JPT2: variants seen among roughly 807,000 people sequenced by gnomAD.
JPT2 encodes the protein Jupiter microtubule associated homolog 2.
JPT2 carries 9 observed loss-of-function variants against 15.9 expected under a neutral mutation model. The observed-to-expected ratio is 0.57, with a 90% CI of 0.34 to 0.99. The LOEUF is 0.99. Among genes scored for constraint, JPT2 ranks in the 50% least tolerant of loss-of-function variants. The pLI is 0.02. For synonymous variants in JPT2, 95 were observed against 91.7 expected, an observed-to-expected ratio of 1.04 and a Z score of -0.21; for missense variants, 267 against 252.1, an observed-to-expected ratio of 1.06 and a Z score of -0.40.
At chr16:1,681,733 A>G (rs961068529) in intron 1 of JPT2, among the ~76,000 whole-genome samples, 6 of 152,182 alleles carry the variant, frequency 3.9e-5, no homozygotes, top group African/African-American at 1.4e-4. Context: ...AGGATTGCCA[A>G]TGATAGGTGC....
Position 1,700,182 on chromosome 16 carries a change from A to G in JPT2, c.*1184A>G, listed in dbSNP as rs1215888160. On this transcript the variant is annotated 3_prime_UTR_variant, in exon 5 of 5. Transcript: ENST00000248098. Reference sequence around the variant, plus strand: ...TCTAACTCACAAACAAGCTTCCAGAAGAGACTAGAGACCTTAGGCCAGGAG... The same window carrying G: ...TCTAACTCACAAACAAGCTTCCAGAGGAGACTAGAGACCTTAGGCCAGGAG... 2.2e-6 allele frequency: 1 copy of G among 456,020 alleles called. No individual in the cohort carries two copies. The highest frequency in any genetic ancestry group is 1.5e-5 in the South Asian group (1 of 64,556). The allele number at this position is 456,020 out of a possible 1,614,324, so 28.2% of individuals were successfully genotyped here. A position where few individuals can be genotyped will look rare whatever the true frequency, so the allele number is the denominator to read the frequency against.
At chr16:1,693,942 G>A (rs915983384) in intron 3 of JPT2, among the ~76,000 whole-genome samples, 1 of 151,876 alleles carries the variant, frequency 6.6e-6, no homozygotes, top group Non-Finnish European at 1.5e-5. Context: ...CAGAATTCCC[G>A]GCTTCCTATT....
downstream of JPT2, chr16:1,702,247 A>G (rs2037184749): frequency 1.4e-5 from 6 of 438,784 alleles, no homozygotes; most frequent in Non-Finnish European, 1.8e-5. Flanking sequence ...ATGAAAGTCA[A>G]CGCTTGAGAA....
intron 1 of JPT2, chr16:1,680,356 A>G (rs2037012752): frequency 9.9e-7 from 1 of 1,011,224 alleles, no homozygotes; most frequent in Non-Finnish European, 1.2e-6. Context: ...TTCACGCTCC[A>G]GAAGTTAGCT....
intron 1 of JPT2, among the ~76,000 whole-genome samples, chr16:1,678,954 G>A (rs1446456658): frequency 6.6e-6 from 1 of 152,246 alleles, no homozygotes; most frequent in Non-Finnish European, 1.5e-5. Flanking sequence ...GGGCGTCTGG[G>A]GAAGAGTCAG....
rs1185931326 is a variant in JPT2, at chr16:1,701,245, G to A, written c.*2247G>A. On this transcript the variant is annotated 3_prime_UTR_variant, in exon 5 of 5. Coordinates refer to ENST00000248098, the MANE Select transcript of JPT2 (RefSeq NM_144570.3). ...CTGCATTGAGAAATGACTCGTCTCT[G>A]TATTTGTATTAAGCCTTAACACTTT... The A allele has an allele frequency of 6.6e-6, 1 of 152,636 alleles. No homozygotes were observed. Among genetic ancestry groups the A allele is most frequent in the African/African-American group, 2.4e-5 (1 of 41,452 alleles). The allele number at this position is 152,636 out of a possible 1,614,324, so 9.5% of individuals were successfully genotyped here.
chr16:1,682,183 C>A (rs1382980485), intron 1 of JPT2, among the ~76,000 whole-genome samples: 1 of 151,758 alleles, frequency 6.6e-6, no homozygotes, highest in East Asian at 1.9e-4. Context: ...TGAGACCAGC[C>A]TGGCCGACGT....
chr16:1,696,175 G>C (rs1669134337), intron 3 of JPT2, among the ~76,000 whole-genome samples: 2 of 151,984 alleles, frequency 1.3e-5, no homozygotes, highest in South Asian at 2.1e-4. Flanking sequence ...GTTGCAATGA[G>C]TTGAGACTGC....
intron 1 of JPT2, among the ~76,000 whole-genome samples, chr16:1,678,967 C>G (rs2036997957): frequency 6.6e-6 from 1 of 152,218 alleles, no homozygotes; most frequent in Non-Finnish European, 1.5e-5. Context: ...AGAGTCAGTT[C>G]TATCTCCTGG....
chr16:1,692,160 A>G, intron 3 of JPT2, 175 bp downstream of exon 3: 1 of 824,134 alleles, frequency 1.2e-6, no homozygotes, highest in Non-Finnish European at 1.9e-6. Context: ...GTCACCCAGG[A>G]AACAGTCCAG....
At chr16:1,678,969 A>G (rs368115211) in intron 1 of JPT2, among the ~76,000 whole-genome samples, 4 of 152,170 alleles carry the variant, frequency 2.6e-5, no homozygotes, top group Non-Finnish European at 5.9e-5. Flanking sequence ...AGTCAGTTCT[A>G]TCTCCTGGGA....
At chr16:1,684,327 A>G (rs1230374909) in intron 1 of JPT2, among the ~76,000 whole-genome samples, 2 of 152,200 alleles carry the variant, frequency 1.3e-5, no homozygotes, top group African/African-American at 2.4e-5. Flanking sequence ...AATGCATTTA[A>G]AAGTTTTTCC....
chr16:1,700,933 A>T lies in JPT2; in HGVS notation c.*1935A>T, dbSNP rs2037176376. 6.6e-6 allele frequency: 1 copy of T among 152,178 alleles called. No homozygotes were observed. The highest frequency in any genetic ancestry group is 1.5e-5 in the Non-Finnish European group (1 of 68,030). 9.4% of individuals were successfully genotyped at this position (152,178 alleles called of 1,614,324 possible). On this transcript the variant is annotated 3_prime_UTR_variant, in exon 5 of 5. Transcript: ENST00000248098. ...TTCTGGGTTATGGGAGAAACCAGAG[A>T]TGGGAATGAGGAAAATATGAACTAC...
At chr16:1,688,081 G>A (rs887353855) in intron 2 of JPT2, among the ~76,000 whole-genome samples, 1 of 152,224 alleles carries the variant, frequency 6.6e-6, no homozygotes, top group African/African-American at 2.4e-5. Context: ...TTCTAGCAAT[G>A]ATGACCAACG....
chr16:1,701,881 A>T lies in JPT2; in HGVS notation c.*2883A>T. On this transcript the variant is annotated 3_prime_UTR_variant, in exon 5 of 5. Coordinates refer to ENST00000248098, the MANE Select transcript of JPT2 (RefSeq NM_144570.3). ...CTACGACCCTGTCTATACAAAAAAA[A>T]ACTTCTCTAAATTAGCCGGATGTGG... 1 of 292,374 alleles carries T rather than the reference A, an allele frequency of 3.4e-6. No individual in the cohort carries two copies. The highest frequency in any genetic ancestry group is 7.0e-6 in the Non-Finnish European group (1 of 142,880). The allele number at this position is 292,374 out of a possible 1,614,324, so 18.1% of individuals were successfully genotyped here. A position where few individuals can be genotyped will look rare whatever the true frequency, so the allele number is the denominator to read the frequency against.
intron 1 of JPT2, among the ~76,000 whole-genome samples, chr16:1,679,098 A>C (rs1596503298): frequency 6.6e-6 from 1 of 152,218 alleles, no homozygotes; most frequent in African/African-American, 2.4e-5. Context: ...TTGAACTTTT[A>C]AAGCACTCTT....
intron 1 of JPT2, chr16:1,680,520 T>C: frequency 8.1e-7 from 1 of 1,230,974 alleles, no homozygotes; most frequent in Non-Finnish European, 1.0e-6. Flanking sequence ...AGCTTCTGCT[T>C]GGGGTCCACC....
chr16:1,680,402 C>G (rs1037252510), intron 1 of JPT2: 6 of 1,137,360 alleles, frequency 5.3e-6, no homozygotes, highest in East Asian at 7.7e-5. Context: ...TCACACTACC[C>G]TGGGGGACTG....
chr16:1,678,295 A>G lies in JPT2; in HGVS notation c.-18A>G. The G allele has an allele frequency of 7.3e-6, 9 of 1,236,552 alleles. No homozygotes were observed. The highest frequency in any genetic ancestry group is 9.1e-6 in the Non-Finnish European group (9 of 986,982). The allele number at this position is 1,236,552 out of a possible 1,614,324, so 76.6% of individuals were successfully genotyped here. On this transcript the variant is annotated 5_prime_UTR_variant, in exon 1 of 5. Transcript: ENST00000248098. ...GGCGGGAACGGCGCGCGGCGAGCTG[A>G]GGGTGGCGGCGGTCGACATGTTCCA...
Sources: gnomAD v4.1 joint callset for allele counts (sites outside exome capture counted in the v4.1 genomes callset) on GRCh38, gnomAD v4.1.1 for gene constraint, MANE v1.5 for transcripts, NCBI Gene and HGNC (gene_info 2026-07-23, HGNC 2026-07-21) for gene names.